Variants in ARHGEF10L observed in about 807,000 individuals in gnomAD.
ARHGEF10L encodes the protein rho guanine nucleotide exchange factor 10-like protein.
In ARHGEF10L, 69 loss-of-function variants were observed where a neutral mutation model predicts 141.2. That is an observed-to-expected ratio of 0.49 (90% CI 0.40 to 0.60). The LOEUF (loss-of-function observed/expected upper bound fraction) is 0.60, where lower values mean the gene tolerates loss of function less well. Ranked by LOEUF, ARHGEF10L falls within the 20% of genes least tolerant of loss-of-function variation. The probability of loss-of-function intolerance (pLI) is 0.00; values close to 1 mark genes in which losing one functional copy is unlikely to be tolerated. For synonymous variants in ARHGEF10L, 711 were observed against 718.5 expected, an observed-to-expected ratio of 0.99 and a Z score of 0.17; for missense variants, 1,482 against 1,734.3, an observed-to-expected ratio of 0.85 and a Z score of 2.58.
intron 1 of ARHGEF10L, among the ~76,000 whole-genome samples, chr1:17,542,579 A>G (rs879315485): frequency 2.6e-5 from 4 of 152,246 alleles, no homozygotes; most frequent in Non-Finnish European, 4.4e-5. Flanking sequence ...CACACTGAGA[A>G]GGAACAGAGT....
chr1:17,629,720 G>A (rs1557871067), intron 15 of ARHGEF10L, among the ~76,000 whole-genome samples: 1 of 152,138 alleles, frequency 6.6e-6, no homozygotes, highest in Admixed American at 6.5e-5. Context: ...CCCCACACAA[G>A]CCTCGAGTTT....
the ARHGEF10L span, among the ~76,000 whole-genome samples, chr1:17,515,795 A>G: frequency 1.3e-5 from 2 of 152,078 alleles, no homozygotes; most frequent in African/African-American, 4.8e-5. Flanking sequence ...GGTGTGCACC[A>G]CCATGCCTGG....
intron 18 of ARHGEF10L, 148 bp from the exon 19 acceptor site, chr1:17,637,740 G>A (rs920625552): frequency 2.0e-5 from 12 of 597,532 alleles, no homozygotes; most frequent in Non-Finnish European, 3.2e-5. Context: ...TCCTGACCTC[G>A]TGATCTGCCT....
intron 26 of ARHGEF10L, among the ~76,000 whole-genome samples, chr1:17,679,229 A>T (rs2063922510): frequency 6.6e-6 from 1 of 152,208 alleles, no homozygotes; most frequent in Non-Finnish European, 1.5e-5. Context: ...GAAGAGGTGG[A>T]CTGGTCGTTG....
chr1:17,663,898 C>T (rs552479776), intron 25 of ARHGEF10L, among the ~76,000 whole-genome samples: 2 of 152,330 alleles, frequency 1.3e-5, no homozygotes, highest in Non-Finnish European at 2.9e-5. Context: ...ATCATGCTGC[C>T]TCTTCTGAGA....
At chr1:17,599,993 C>T (rs1295483396) in intron 4 of ARHGEF10L, among the ~76,000 whole-genome samples, 1 of 152,244 alleles carries the variant, frequency 6.6e-6, no homozygotes, top group East Asian at 1.9e-4. Flanking sequence ...CAGGAGCATT[C>T]TCGCCACCAC....
In ARHGEF10L at chr1:17,646,797, C is replaced by T. The variant is rs556961344; in HGVS notation, c.2273-1757C>T. ...TCCGGACAGCGGGAACCTCTGGGCC[C>T]GTCCCGGCGAGGTTGCTGAGCACAG... On this transcript the variant is annotated intron_variant, in intron 21 of 28. Transcript: ENST00000361221. 3.3e-5 allele frequency among the ~76,000 whole-genome samples: 5 copies of T among 152,014 alleles called. No individual in the cohort carries two copies. In the East Asian group the frequency reaches 5.8e-4, roughly 18 times the overall value.
chr1:17,547,140 T>C lies in ARHGEF10L; in HGVS notation c.-44+7190T>C, dbSNP rs926078415. Among the ~76,000 whole-genome samples the C allele has an allele frequency of 1.3e-5, 2 of 152,234 alleles. 1 individual carries two copies. Among genetic ancestry groups the C allele is most frequent in the African/African-American group, 4.8e-5 (2 of 41,468 alleles). On this transcript the variant is annotated intron_variant, in intron 1 of 28. Coordinates refer to ENST00000361221, the MANE Select transcript of ARHGEF10L (RefSeq NM_018125.4). ...TGCTATGGAAAATGGGGAAGGATAA[T>C]TGACCACTTGGCCACAGGCCCAGGG...
intron 22 of ARHGEF10L, among the ~76,000 whole-genome samples, chr1:17,651,492 C>A (rs2061933669): frequency 6.6e-6 from 1 of 152,172 alleles, no homozygotes; most frequent in African/African-American, 2.4e-5. Flanking sequence ...CCTGTCTCCC[C>A]CAGGGCCTTG....
chr1:17,626,992 T>G (rs1185096242), intron 14 of ARHGEF10L, among the ~76,000 whole-genome samples: 1 of 152,254 alleles, frequency 6.6e-6, no homozygotes, highest in African/African-American at 2.4e-5. Flanking sequence ...AGACCACATT[T>G]TGTTTACGCG....
intron 26 of ARHGEF10L, among the ~76,000 whole-genome samples, chr1:17,670,982 C>A (rs2102271428): frequency 6.6e-6 from 1 of 152,384 alleles, no homozygotes; most frequent in Non-Finnish European, 1.5e-5. Context: ...ATCCCTACCC[C>A]TTCATGGTCT....
intron 14 of ARHGEF10L, 152 bp downstream of exon 14, chr1:17,626,200 C>T: frequency 1.6e-6 from 1 of 625,670 alleles, no homozygotes; most frequent in South Asian, 2.0e-5. Flanking sequence ...TCTTTCTCCA[C>T]TTCTAGAGTG....
intron 4 of ARHGEF10L, among the ~76,000 whole-genome samples, chr1:17,601,057 A>C (rs2080615702): frequency 6.7e-6 from 1 of 148,896 alleles, no homozygotes; most frequent in African/African-American, 2.5e-5. Context: ...CTCAAAAAAA[A>C]AAAAAAAAAA....
At chr1:17,674,804 T>C (rs1174253879) in intron 26 of ARHGEF10L, among the ~76,000 whole-genome samples, 1 of 152,172 alleles carries the variant, frequency 6.6e-6, no homozygotes, top group Non-Finnish European at 1.5e-5. Flanking sequence ...CAAATACCAT[T>C]GTGTTACAGT....
rs2061464054 is a variant in ARHGEF10L at position 17,644,085 on chromosome 1, C to T, written c.2272+3783C>T. On this transcript the variant is annotated intron_variant, in intron 21 of 28. Transcript: ENST00000361221. This position sits in a 1 kb window ranked among gnomAD's most constrained non-coding sequence, Gnocchi z 4.5. ...CTTGGAGCTCCTCCCACCCATGGCC[C>T]TTCTCATTCCCACCTCTCAAGGGGA... 1.3e-5 allele frequency among the ~76,000 whole-genome samples: 2 copies of T among 152,244 alleles called. No homozygotes were observed. Among genetic ancestry groups the T allele is most frequent in the African/African-American group, 4.8e-5 (2 of 41,468 alleles).
rs1040775568 is a variant in ARHGEF10L at position 17,607,026 on chromosome 1, G to A, written c.434-776G>A. Among the ~76,000 whole-genome samples, 3 of 152,186 alleles carry A rather than the reference G, an allele frequency of 2.0e-5. No homozygotes were observed. The highest frequency in any genetic ancestry group is 7.2e-5 in the African/African-American group (3 of 41,446). ...AGCTCCTGGACTCTGGGCCAGCTGC[G>A]CCCCCTACTGGAAGATCCCAGGCTG... On this transcript the variant is annotated intron_variant, in intron 6 of 28. Coordinates refer to ENST00000361221, the MANE Select transcript of ARHGEF10L (RefSeq NM_018125.4). This position sits in a 1 kb window ranked among gnomAD's most constrained non-coding sequence, Gnocchi z 4.5.
At chr1:17,651,022 C>G (rs538601135) in intron 22 of ARHGEF10L, among the ~76,000 whole-genome samples, 2 of 152,314 alleles carry the variant, frequency 1.3e-5, no homozygotes, top group African/African-American at 4.8e-5. Flanking sequence ...TAGGGTGAGG[C>G]AAGTGAGCCA....
rs2077416587 is a variant in ARHGEF10L, at chr1:17,558,212, T to TCCGC, written c.-44+18264_-44+18267dup. Among the ~76,000 whole-genome samples, 1 of 151,798 alleles carries TCCGC rather than the reference T, an allele frequency of 6.6e-6. No homozygotes were observed. The highest frequency in any genetic ancestry group is 2.1e-4 in the South Asian group (1 of 4,796). On this transcript the variant is annotated intron_variant, in intron 1 of 28. Coordinates refer to ENST00000361221, the MANE Select transcript of ARHGEF10L (RefSeq NM_018125.4). The surrounding 1 kb of genome is among the most constrained non-coding windows in gnomAD (Gnocchi z 4.2). ...ACCCATCCATCCATCCATCCATCCA[T>TCCGC]CCGCCTGCCCATCCATTCATCCATT...
rs557207856 is a variant in ARHGEF10L, at chr1:17,566,941, A to G, written c.-43-13612A>G. ...ACCCTCTCGAATGCCGTTGAACTTA[A>G]AAGTCCCCAGAGTGAGGGAGCGGGG... On this transcript the variant is annotated intron_variant, in intron 1 of 28. Transcript: ENST00000361221. 4.6e-5 allele frequency among the ~76,000 whole-genome samples: 7 copies of G among 152,294 alleles called. No homozygotes were observed. The East Asian group carries it at 9.7e-4, about 21-fold the overall frequency.
Sources: gnomAD v4.1 joint callset for allele counts (sites outside exome capture counted in the v4.1 genomes callset) on GRCh38, gnomAD v4.1.1 for gene constraint, Gnocchi (gnomAD v3.1) non-coding constraint, MANE v1.5 for transcripts, NCBI Gene and HGNC (gene_info 2026-07-23, HGNC 2026-07-21) for gene names.